Variants in OTUD7A observed in about 807,000 individuals in gnomAD.
OTUD7A encodes OTU domain-containing protein 7A.
Under a neutral mutation model 65.7 loss-of-function variants are expected in OTUD7A, and 12 were observed. The observed-to-expected ratio is 0.18, with a 90% confidence interval of 0.12 to 0.30. The LOEUF (loss-of-function observed/expected upper bound fraction) is 0.30. Among genes scored for constraint, OTUD7A ranks in the 10% least tolerant of loss-of-function variants. OTUD7A has a pLI of 1.00. For missense variants in OTUD7A, 1,148 were observed against 1,304.8 expected (o/e 0.88, Z 1.85); for synonymous variants, 641 against 586.3 (o/e 1.09, Z -1.35).
chr15:31,525,263 T>C (rs1333104564), intron 8 of OTUD7A, among the ~76,000 whole-genome samples: 4 of 152,342 alleles, frequency 2.6e-5, no homozygotes, highest in Non-Finnish European at 5.9e-5. Context: ...CACAGTCGAC[T>C]GAGTCTTCAG....
At chr15:31,765,247 T>C (rs1448113934) in intron 1 of OTUD7A, among the ~76,000 whole-genome samples, 1 of 152,010 alleles carries the variant, frequency 6.6e-6, no homozygotes, top group Non-Finnish European at 1.5e-5. Context: ...TATATATAAA[T>C]AGATCAAAAG....
rs368912566 is a variant in OTUD7A, at chr15:31,853,512, C to G, written c.-100+16995G>C. Among the ~76,000 whole-genome samples the G allele has an allele frequency of 7.9e-4, 120 of 152,360 alleles. 1 individual carries two copies. Among genetic ancestry groups the G allele is most frequent in the African/African-American group, 2.7e-3 (113 of 41,584 alleles). On this transcript the variant is annotated intron_variant, in intron 1 of 12. Transcript: ENST00000307050. ...GAGAGCCAGCACCCACCTCCTGAAC[C>G]TGGGGAGGCACATGGGCCCCGCCAG...
At chr15:31,551,559 G>A (rs1247796809) in intron 5 of OTUD7A, among the ~76,000 whole-genome samples, 1 of 152,206 alleles carries the variant, frequency 6.6e-6, no homozygotes, top group Admixed American at 6.5e-5. Flanking sequence ...ATTCATCCGT[G>A]ATAATGGGAC....
At chr15:31,715,300 T>G (rs1191499884) in intron 1 of OTUD7A, among the ~76,000 whole-genome samples, 1 of 145,174 alleles carries the variant, frequency 6.9e-6, no homozygotes, top group African/African-American at 2.5e-5. Flanking sequence ...GGCGCCTGGC[T>G]GTCCAGAACC....
At chr15:31,508,505 A>G (rs1484333098) in intron 8 of OTUD7A, among the ~76,000 whole-genome samples, 2 of 152,150 alleles carry the variant, frequency 1.3e-5, no homozygotes, top group South Asian at 2.1e-4. Context: ...GCCCGCCACC[A>G]CGCTCGGCTA....
intron 3 of OTUD7A, among the ~76,000 whole-genome samples, chr15:31,604,616 A>G (rs1445072242): frequency 1.3e-5 from 2 of 152,218 alleles, no homozygotes; most frequent in Non-Finnish European, 2.9e-5. Context: ...AAAAGAAAGA[A>G]AACTATATTC....
At chr15:31,552,529 C>A (rs1888357941) in intron 5 of OTUD7A, among the ~76,000 whole-genome samples, 1 of 152,168 alleles carries the variant, frequency 6.6e-6, no homozygotes, top group African/African-American at 2.4e-5. Flanking sequence ...TGCATCCAGC[C>A]CTGTGCACAC....
chr15:31,677,169 G>C (rs1253900481), intron 1 of OTUD7A, among the ~76,000 whole-genome samples: 1 of 152,188 alleles, frequency 6.6e-6, no homozygotes, highest in African/African-American at 2.4e-5. Flanking sequence ...TTATTTGCCA[G>C]CTCAGCTCAT....
intron 1 of OTUD7A, among the ~76,000 whole-genome samples, chr15:31,748,228 C>T (rs1184806336): frequency 6.6e-6 from 1 of 151,696 alleles, no homozygotes; most frequent in Non-Finnish European, 1.5e-5. Context: ...AGAGAGTGTC[C>T]TTTTTATAAA....
At chr15:31,802,679 G>C (rs1896166801) in intron 1 of OTUD7A, among the ~76,000 whole-genome samples, 2 of 152,170 alleles carry the variant, frequency 1.3e-5, no homozygotes, top group African/African-American at 4.8e-5. Flanking sequence ...TGAGATGTGG[G>C]ATTAAGAACG....
Position 31,476,333 on chromosome 15 carries a change from A to G in OTUD7A, c.*6961T>C, listed in dbSNP as rs1047944994. The G allele has an allele frequency of 3.3e-5, 5 of 152,336 alleles. No homozygotes were observed. Among genetic ancestry groups the G allele is most frequent in the Admixed American group, 1.3e-4 (2 of 15,284 alleles). The allele number at this position is 152,336 out of a possible 1,614,324, so 9.4% of individuals were successfully genotyped here. A position where few individuals can be genotyped will look rare whatever the true frequency, so the allele number is the denominator to read the frequency against. On this transcript the variant is annotated 3_prime_UTR_variant, in exon 13 of 13. Transcript: ENST00000307050. ...GTTTTGGTCCTAAGTTAGCGGAGACAAGCTGCCCCACTCCCCACTGCCAAG... is the reference window on the plus strand; with the variant it reads ...GTTTTGGTCCTAAGTTAGCGGAGACGAGCTGCCCCACTCCCCACTGCCAAG...
At chr15:31,564,836 C>T (rs1482127891) in intron 4 of OTUD7A, among the ~76,000 whole-genome samples, 2 of 152,020 alleles carry the variant, frequency 1.3e-5, no homozygotes, top group African/African-American at 4.8e-5. Context: ...ATTATATCAG[C>T]AGAAAAAATG....
Position 31,808,098 on chromosome 15 carries a change from AACACACACACACACACAC to A in OTUD7A, c.-100+62391_-100+62408del, listed in dbSNP as rs55911531. Among the ~76,000 whole-genome samples, 19 of 95,866 alleles carry A rather than the reference AACACACACACACACACAC, an allele frequency of 2.0e-4. 1 individual carries two copies. The Admixed American group carries it at 2.3e-3, about 12-fold the overall frequency. The allele number at this position is 95,866 out of a possible 152,430, so 62.9% of individuals were successfully genotyped here. A position where few individuals can be genotyped will look rare whatever the true frequency, so the allele number is the denominator to read the frequency against. On this transcript the variant is annotated intron_variant, in intron 1 of 12. Transcript: ENST00000307050. The stretch of plus-strand genomic sequence containing the variant: ...TATATAATTGAGCTAACAAATGCCA[AACACACACACACACACAC>A]ACACACACACACACACACACAAACA...
chr15:31,733,200 A>G (rs1346149501), intron 1 of OTUD7A, among the ~76,000 whole-genome samples: 1 of 152,162 alleles, frequency 6.6e-6, no homozygotes, highest in Non-Finnish European at 1.5e-5. Flanking sequence ...GGGTGAACTG[A>G]GACAAACACA....
chr15:31,844,817 G>A (rs1375661172), intron 1 of OTUD7A, among the ~76,000 whole-genome samples: 1 of 152,238 alleles, frequency 6.6e-6, no homozygotes, highest in Admixed American at 6.5e-5. Flanking sequence ...AGGAGGCCAC[G>A]AGAGGCAATG....
intron 3 of OTUD7A, among the ~76,000 whole-genome samples, chr15:31,644,739 A>G (rs1458257732): frequency 6.6e-6 from 1 of 152,196 alleles, no homozygotes; most frequent in East Asian, 1.9e-4. Context: ...TTGGCCTCCC[A>G]AAGTGTTGGG....
intron 3 of OTUD7A, among the ~76,000 whole-genome samples, chr15:31,577,631 T>G (rs1889242178): frequency 6.6e-6 from 1 of 152,228 alleles, no homozygotes; most frequent in South Asian, 2.1e-4. Context: ...TCAGGATCTC[T>G]TAAGACTGTT....
At chr15:31,777,531 G>GGA (rs34735866) in intron 1 of OTUD7A, among the ~76,000 whole-genome samples, 147,701 of 152,244 alleles carry the variant, frequency 0.97, 71,827 homozygotes, top group East Asian at 1. Flanking sequence ...GAAAATGGAG[G>GGA]GGTCCTCCTT....
At chr15:31,803,374 C>G (rs1896185562) in intron 1 of OTUD7A, among the ~76,000 whole-genome samples, 1 of 152,190 alleles carries the variant, frequency 6.6e-6, no homozygotes. Flanking sequence ...ACAAAACATT[C>G]CTTAAAGATT....
Sources: allele counts gnomAD v4.1 joint callset (sites outside exome capture counted in the v4.1 genomes callset), GRCh38; gene constraint gnomAD v4.1.1; transcripts MANE v1.5; gene names NCBI Gene and HGNC (gene_info 2026-07-23, HGNC 2026-07-21).